Variants in TLE3 observed in about 807,000 individuals in gnomAD.
The protein encoded by TLE3 is TLE family member 3, transcriptional corepressor.
In TLE3, 14 loss-of-function variants were observed where a neutral mutation model predicts 93.0. The ratio of observed to expected loss-of-function variants is 0.15; its 90% confidence interval spans 0.10 to 0.24. The LOEUF (loss-of-function observed/expected upper bound fraction) is 0.24, where lower values mean the gene tolerates loss of function less well. TLE3 is among the 10% of genes least tolerant of loss of function. The pLI, the probability that TLE3 is intolerant of heterozygous loss-of-function variation, is 1.00. For synonymous variants in TLE3, 451 were observed against 425.0 expected (o/e 1.06, Z -0.75); for missense variants, 693 against 1,046.6 (o/e 0.66, Z 4.66).
chr15:70,057,878 C>T (rs1281871856), intron 12 of TLE3: 1 of 719,418 alleles, frequency 1.4e-6, no homozygotes, highest in Non-Finnish European at 2.2e-6. Context: ...ATATGGAGGC[C>T]CAAATGGGCT....
chr15:70,082,643 A>C (rs2057836505), intron 4 of TLE3, among the ~76,000 whole-genome samples: 1 of 152,192 alleles, frequency 6.6e-6, no homozygotes, highest in Admixed American at 6.5e-5. Context: ...TGAATTCTTT[A>C]TGCTGGGAGG....
At chr15:70,053,759 A>C in intron 16 of TLE3, 1 of 170,738 alleles carries the variant, frequency 5.9e-6, no homozygotes, top group Non-Finnish European at 1.2e-5. Context: ...GATAAAGAGA[A>C]TGCAGGGCCC....
At chr15:70,059,281 C>T (rs1346810115) in intron 10 of TLE3, 129 bp downstream of exon 10, 26 of 1,104,584 alleles carry the variant, frequency 2.4e-5, no homozygotes, top group Non-Finnish European at 3.1e-5. Context: ...GACCCCAAGA[C>T]TGGAGGCCTT....
At chr15:70,052,123 C>T (rs1161393171) in intron 18 of TLE3, among the ~76,000 whole-genome samples, 1 of 152,226 alleles carries the variant, frequency 6.6e-6, no homozygotes, top group Non-Finnish European at 1.5e-5. Flanking sequence ...TTGCCCCAAG[C>T]CTGCAAGAAC....
At chr15:70,065,973 A>ACCCCAGGCCCCCCCCCCC in intron 7 of TLE3, 41 bp downstream of exon 7, 2 of 806,250 alleles carry the variant, frequency 2.5e-6, no homozygotes, top group Non-Finnish European at 4.2e-6. Context: ...GCCCATGCCC[A>ACCCCAGGCCCCCCCCCCC]CCCCTGCCCC....
chr15:70,056,361 G>A lies in TLE3; in HGVS notation c.1265C>T (p.Pro422Leu), dbSNP rs375583847. Reference sequence around the variant, plus strand: ...GCCTGTGGCCCGCATCGGGGGGTGAGGGTCAAAACCAACCTGTAAAGCAAG... The same window carrying A: ...GCCTGTGGCCCGCATCGGGGGGTGAAGGTCAAAACCAACCTGTAAAGCAAG... ...MVSFGAVGFD[P>L]HPPMRATGLP... Residue 422 changes from proline (P) to leucine (L), a missense_variant, in exon 14 of 20, where the codon CCT becomes CTT. Pro to Leu is a moderately conservative substitution (Grantham distance 98, BLOSUM62 -3). Coordinates refer to ENST00000451782, the MANE Select transcript of TLE3 (RefSeq NM_001105192.3). The A allele has an allele frequency of 8.1e-6, 13 of 1,613,340 alleles. No individual in the cohort carries two copies. Among genetic ancestry groups the A allele is most frequent in the Non-Finnish European group, 1.0e-5 (12 of 1,179,780 alleles).
chr15:70,060,476 C>A (rs937422591), intron 9 of TLE3, 54 bp downstream of exon 9: 91 of 1,605,718 alleles, frequency 5.7e-5, no homozygotes, highest in Non-Finnish European at 7.2e-5. Context: ...CCTGCAGACA[C>A]CCCCTGCCCT....
intron 4 of TLE3, among the ~76,000 whole-genome samples, chr15:70,091,892 G>T (rs975494026): frequency 1.3e-5 from 2 of 152,146 alleles, no homozygotes; most frequent in African/African-American, 4.8e-5. Context: ...GCGTGTATGC[G>T]CGCAGGCTGA....
chr15:70,072,050 G>A (rs924303495), intron 6 of TLE3, among the ~76,000 whole-genome samples: 2 of 152,204 alleles, frequency 1.3e-5, no homozygotes, highest in Non-Finnish European at 2.9e-5. Flanking sequence ...GCTCTGTCAG[G>A]CGCAGCGATT....
At chr15:70,093,755 T>C (rs1293164045) in intron 4 of TLE3, among the ~76,000 whole-genome samples, 2 of 152,222 alleles carry the variant, frequency 1.3e-5, no homozygotes, top group East Asian at 3.8e-4. Flanking sequence ...ATACTGTTAT[T>C]AGAAGAGTGA....
chr15:70,059,773 C>T (rs1294573746), intron 9 of TLE3, among the ~76,000 whole-genome samples: 1 of 152,256 alleles, frequency 6.6e-6, no homozygotes, highest in Non-Finnish European at 1.5e-5. Flanking sequence ...CTGCTTCTCT[C>T]TGAAGCCAGA....
chr15:70,051,250 G>T, intron 19 of TLE3, 141 bp downstream of exon 19: 1 of 735,440 alleles, frequency 1.4e-6, no homozygotes, highest in Non-Finnish European at 2.2e-6. Context: ...TATCAGGTAG[G>T]GGTGGGGAGG....
At chr15:70,065,969 G>GCCCCCC in intron 7 of TLE3, 45 bp downstream of exon 7, 1 of 1,294,406 alleles carries the variant, frequency 7.7e-7, no homozygotes, top group Non-Finnish European at 1.1e-6. Context: ...GAGCGCCCAT[G>GCCCCCC]CCCACCCCTG....
At chr15:70,077,576 G>T (rs970132146) in intron 4 of TLE3, among the ~76,000 whole-genome samples, 1 of 152,328 alleles carries the variant, frequency 6.6e-6, no homozygotes, top group East Asian at 1.9e-4. Flanking sequence ...TAAAGAGGAC[G>T]CCTCTGGTTT....
In TLE3 at chr15:70,097,335, T is replaced by C; in HGVS notation, c.-537A>G. The C allele has an allele frequency of 5.0e-6, 2 of 402,436 alleles. No individual in the cohort carries two copies. Among genetic ancestry groups the C allele is most frequent in the Non-Finnish European group, 8.7e-6 (2 of 228,670 alleles). 24.9% of individuals were successfully genotyped at this position (402,436 alleles called of 1,614,324 possible). A position where few individuals can be genotyped will look rare whatever the true frequency, so the allele number is the denominator to read the frequency against. On this transcript the variant is annotated 5_prime_UTR_variant, in exon 1 of 20. Coordinates refer to ENST00000451782, the MANE Select transcript of TLE3 (RefSeq NM_001105192.3). ...CGGCGAGAAGAGGAAGGAGGCGGGC[T>C]ACGAGGTGGTGGCTTGGGGCCGCAG... is the stretch of plus-strand genomic sequence containing the variant.
chr15:70,095,852 G>A (rs1323016909), intron 2 of TLE3: 1 of 658,096 alleles, frequency 1.5e-6, no homozygotes, highest in Non-Finnish European at 2.6e-6. Flanking sequence ...GCGAGCCAAA[G>A]GACTTATCAC....
chr15:70,063,161 C>T (rs1192255257), intron 8 of TLE3, among the ~76,000 whole-genome samples: 3 of 152,176 alleles, frequency 2.0e-5, no homozygotes, highest in Non-Finnish European at 4.4e-5. Context: ...AGGAATTATT[C>T]CCATGGTATG....
chr15:70,094,644 T>C (rs1298016087), intron 3 of TLE3, 68 bp from the exon 4 acceptor site: 2 of 1,260,822 alleles, frequency 1.6e-6, no homozygotes, highest in East Asian at 2.5e-5. Flanking sequence ...AATCAGTTTT[T>C]TCTTGGAAAG....
At chr15:70,080,589 T>C (rs560531298) in intron 4 of TLE3, among the ~76,000 whole-genome samples, 1 of 152,254 alleles carries the variant, frequency 6.6e-6, no homozygotes, top group African/African-American at 2.4e-5. Context: ...GAAAACAAGA[T>C]AGTGGGGGGC....
Sources: allele counts gnomAD v4.1 joint callset (sites outside exome capture counted in the v4.1 genomes callset), GRCh38; gene constraint gnomAD v4.1.1; transcripts MANE v1.5; gene names NCBI Gene and HGNC (gene_info 2026-07-23, HGNC 2026-07-21).